IL1RAPL1: variants seen among roughly 807,000 people sequenced by gnomAD.
The protein encoded by IL1RAPL1 is interleukin 1 receptor accessory protein like 1.
Under a neutral mutation model 48.4 loss-of-function variants are expected in IL1RAPL1, and 3 were observed. The ratio of observed to expected loss-of-function variants is 0.06; its 90% CI spans 0.03 to 0.16. The LOEUF is 0.16. Among genes scored for constraint, IL1RAPL1 ranks in the 10% least tolerant of loss-of-function variants. The pLI is 1.00. For synonymous variants in IL1RAPL1, 185 were observed against 187.7 expected, an observed-to-expected ratio of 0.99 and a Z score of 0.12; for missense variants, 349 against 530.6, an observed-to-expected ratio of 0.66 and a Z score of 3.36.
chrX:29,262,473 G>A (rs1047686662), intron 2 of IL1RAPL1, among the ~76,000 whole-genome samples: 5 of 110,620 alleles, frequency 4.5e-5, no homozygotes, highest in Non-Finnish European at 9.4e-5. Flanking sequence ...AGACCAGCCT[G>A]ACCAACATGG....
intron 2 of IL1RAPL1, among the ~76,000 whole-genome samples, chrX:29,280,846 G>A (rs186868922): frequency 2.3e-4 from 26 of 111,996 alleles, no homozygotes; most frequent in Admixed American, 1.9e-4. Context: ...GCCTCTCTGA[G>A]GAGGTGATAT....
chrX:29,671,036 T>C (rs1160409664), intron 6 of IL1RAPL1, among the ~76,000 whole-genome samples: 1 of 112,226 alleles, frequency 8.9e-6, no homozygotes, highest in Non-Finnish European at 1.9e-5. Context: ...TACACAAAGC[T>C]AAGCTTGTAC....
chrX:29,165,983 G>T (rs968902325), intron 2 of IL1RAPL1, among the ~76,000 whole-genome samples: 2 of 112,458 alleles, frequency 1.8e-5, no homozygotes, highest in African/African-American at 6.5e-5. Context: ...GTCAATAAGG[G>T]TAGTATTTAG....
intron 2 of IL1RAPL1, among the ~76,000 whole-genome samples, chrX:29,219,303 G>A (rs1017186868): frequency 1.4e-4 from 16 of 111,380 alleles, no homozygotes; most frequent in East Asian, 2.8e-4. Context: ...ATGTATTCAC[G>A]TGAATATTCT....
chrX:28,628,758 T>C (rs1162295865), intron 1 of IL1RAPL1, among the ~76,000 whole-genome samples: 1 of 112,226 alleles, frequency 8.9e-6, no homozygotes, highest in Admixed American at 9.5e-5. Flanking sequence ...GTGGACAAAA[T>C]AAATACCCTG....
In IL1RAPL1 at chrX:29,915,027, G is replaced by A. The variant is rs377756757; in HGVS notation, c.779-2437G>A. On this transcript the variant is annotated intron_variant, in intron 6 of 10. Coordinates refer to ENST00000378993, the MANE Select transcript of IL1RAPL1 (RefSeq NM_014271.4). ...CATAAAAAATCCGGCTGGACGTGGT[G>A]GCTCACGCCTGTAATCCTAGCACTT... 9.2e-5 allele frequency among the ~76,000 whole-genome samples: 10 copies of A among 108,229 alleles called. 1 individual carries two copies. The East Asian group carries it at 1.7e-3, about 18-fold the overall frequency. 94.0% of individuals were successfully genotyped at this position (108,229 alleles called of 115,157 possible).
chrX:29,734,472 A>G (rs1927998722), intron 6 of IL1RAPL1, among the ~76,000 whole-genome samples: 1 of 112,000 alleles, frequency 8.9e-6, no homozygotes, highest in Non-Finnish European at 1.9e-5. Flanking sequence ...GTACAGAGCA[A>G]TCCACACTCC....
chrX:28,941,500 TA>T (rs1242112298), intron 2 of IL1RAPL1, among the ~76,000 whole-genome samples: 1 of 111,423 alleles, frequency 9.0e-6, no homozygotes, highest in Non-Finnish European at 1.9e-5. Context: ...TAATTAGTCA[TA>T]AAAGAGAATC....
intron 1 of IL1RAPL1, among the ~76,000 whole-genome samples, chrX:28,607,796 A>C (rs1316131024): frequency 9.0e-6 from 1 of 110,698 alleles, no homozygotes; most frequent in African/African-American, 3.3e-5. Context: ...GGAAAAAGCC[A>C]TGTTTATATA....
At chrX:29,894,096 C>T (rs1932327431) in intron 6 of IL1RAPL1, among the ~76,000 whole-genome samples, 1 of 112,132 alleles carries the variant, frequency 8.9e-6, no homozygotes, top group Admixed American at 9.5e-5. Context: ...TTCTCCATTA[C>T]GGAACTTCAT....
intron 5 of IL1RAPL1, among the ~76,000 whole-genome samples, chrX:29,413,716 A>G (rs954690588): frequency 1.7e-4 from 19 of 110,550 alleles, no homozygotes; most frequent in African/African-American, 6.3e-4. Context: ...ACTGATTATC[A>G]TCAATACAAT....
At chrX:29,951,752 G>A (rs1933324198) in intron 9 of IL1RAPL1, among the ~76,000 whole-genome samples, 1 of 112,026 alleles carries the variant, frequency 8.9e-6, no homozygotes, top group South Asian at 3.8e-4. Context: ...TGGGAAGCTT[G>A]TTACGTTGTG....
At position 29,137,312 on chromosome X, in the gene IL1RAPL1, C is replaced by T. The variant is rs961345843; in HGVS notation, c.83-145626C>T. Among the ~76,000 whole-genome samples, 5 of 109,984 alleles carry T rather than the reference C, an allele frequency of 4.5e-5. No individual in the cohort carries two copies. In the South Asian group the frequency reaches 1.5e-3, roughly 34 times the overall value. ...CAGTGGGAGAGTATTTTTGCCAAAA[C>T]GTATGAAATAATTTTCTCCTCTTCA... is the stretch of plus-strand genomic sequence containing the variant. On this transcript the variant is annotated intron_variant, in intron 2 of 10. Transcript: ENST00000378993.
intron 5 of IL1RAPL1, among the ~76,000 whole-genome samples, chrX:29,516,610 A>G (rs1935448626): frequency 9.0e-6 from 1 of 111,461 alleles, no homozygotes; most frequent in Admixed American, 9.6e-5. Context: ...ATCATTATTT[A>G]TTAATTTCCA....
At chrX:29,010,453 G>A (rs188162113) in intron 2 of IL1RAPL1, among the ~76,000 whole-genome samples, 126 of 111,482 alleles carry the variant, frequency 1.1e-3, no homozygotes, top group Admixed American at 0.011. Context: ...TTATCATGAA[G>A]GGATGTTGAA....
intron 6 of IL1RAPL1, among the ~76,000 whole-genome samples, chrX:29,789,723 C>G (rs150335348): frequency 0.02 from 2,073 of 106,146 alleles, 48 homozygotes; most frequent in African/African-American, 0.067. Context: ...AGGCTTTCAA[C>G]AAACTGGTGA....
At chrX:29,248,962 C>G (rs1198644617) in intron 2 of IL1RAPL1, among the ~76,000 whole-genome samples, 1 of 110,813 alleles carries the variant, frequency 9.0e-6, no homozygotes, top group African/African-American at 3.3e-5. Context: ...AGGTCATTCA[C>G]AAAAAGAGAC....
At position 29,075,311 on chromosome X, in the gene IL1RAPL1, T is replaced by A. The variant is rs1376426928; in HGVS notation, c.83-207627T>A. Among the ~76,000 whole-genome samples the A allele has an allele frequency of 4.5e-5, 5 of 111,505 alleles. No homozygotes were observed. The East Asian group carries it at 1.4e-3, about 31-fold the overall frequency. On this transcript the variant is annotated intron_variant, in intron 2 of 10. Coordinates refer to ENST00000378993, the MANE Select transcript of IL1RAPL1 (RefSeq NM_014271.4). Reference sequence around the variant, plus strand: ...TCTTGGAAATAGAAGTATAGGGTAATCTCTTTTTGTTTGTAGGCCAGAAGT... The same window carrying A: ...TCTTGGAAATAGAAGTATAGGGTAAACTCTTTTTGTTTGTAGGCCAGAAGT...
intron 2 of IL1RAPL1, among the ~76,000 whole-genome samples, chrX:29,276,681 G>C (rs1932124690): frequency 1.8e-5 from 2 of 111,120 alleles, no homozygotes; most frequent in Admixed American, 9.6e-5. Context: ...AGCTAAATGA[G>C]GTTTTTTTTT....
Sources: gnomAD v4.1 joint callset for allele counts (sites outside exome capture counted in the v4.1 genomes callset) on GRCh38, gnomAD v4.1.1 for gene constraint, MANE v1.5 for transcripts, NCBI Gene and HGNC (gene_info 2026-07-23, HGNC 2026-07-21) for gene names.